The following RALYL variants were observed in gnomAD, a reference collection of about 807,000 sequenced individuals.
RALYL encodes the protein RALY RNA binding protein like.
RALYL carries 29 observed loss-of-function variants against 35.1 expected under a neutral mutation model. The ratio of observed to expected loss-of-function variants is 0.83; its 90% CI spans 0.61 to 1.13. The LOEUF (loss-of-function observed/expected upper bound fraction) is 1.13. RALYL is among the 50% of genes most tolerant of loss of function. The probability of loss-of-function intolerance (pLI) is 0.00; values close to 1 mark genes in which losing one functional copy is unlikely to be tolerated. For missense variants in RALYL, 359 were observed against 360.4 expected (o/e 1.00, Z 0.03); for synonymous variants, 120 against 127.6 (o/e 0.94, Z 0.40).
chr8:84,541,030 G>T (rs1285044438), intron 2 of RALYL, among the ~76,000 whole-genome samples: 1 of 151,568 alleles, frequency 6.6e-6, no homozygotes, highest in Non-Finnish European at 1.5e-5. Context: ...TTTTAAGTCA[G>T]ATTAGTCATC....
In RALYL at chr8:84,258,441, G is replaced by T. The variant is rs554519909; in HGVS notation, c.-24+74017G>T. 1.4e-4 allele frequency among the ~76,000 whole-genome samples: 21 copies of T among 152,086 alleles called. 1 individual carries two copies. The highest frequency in any genetic ancestry group is 4.3e-4 in the African/African-American group (18 of 41,524). ...GATTAGTGAAGCCACACTTTAAAGT[G>T]CTTAGTTGAAGATGAACTAGGTGTT... On this transcript the variant is annotated intron_variant, in intron 1 of 8. Transcript: ENST00000521268.
chr8:84,523,200 C>A (rs1380848907), intron 1 of RALYL, among the ~76,000 whole-genome samples: 1 of 151,878 alleles, frequency 6.6e-6, no homozygotes, highest in East Asian at 1.9e-4. Flanking sequence ...GGAGGCCTCA[C>A]AATCATGGCG....
rs547219777 is a variant in RALYL at position 84,344,914 on chromosome 8, A to T, written c.-24+160490A>T. Among the ~76,000 whole-genome samples, 3 of 152,220 alleles carry T rather than the reference A, an allele frequency of 2.0e-5. No individual in the cohort carries two copies. In the South Asian group the frequency reaches 6.2e-4, roughly 32 times the overall value. On this transcript the variant is annotated intron_variant, in intron 1 of 8. Transcript: ENST00000521268. ...GGCTGAGTAATATTACATTGAGCTT[A>T]CAAACCACATTTTCTTTATCCATTC... is the stretch of plus-strand genomic sequence containing the variant.
intron 8 of RALYL, among the ~76,000 whole-genome samples, chr8:84,919,623 G>A (rs1849013248): frequency 6.6e-6 from 1 of 152,024 alleles, no homozygotes; most frequent in South Asian, 2.1e-4. Flanking sequence ...AGGAGAAAGA[G>A]AGGGAAGAGA....
intron 1 of RALYL, among the ~76,000 whole-genome samples, chr8:84,202,302 A>G (rs904222496): frequency 6.6e-6 from 1 of 151,132 alleles, no homozygotes; most frequent in Non-Finnish European, 1.5e-5. Context: ...GCTGGGTTAG[A>G]TTTACTTAAA....
At chr8:84,753,827 T>A (rs373723566) in intron 2 of RALYL, among the ~76,000 whole-genome samples, 81 of 152,290 alleles carry the variant, frequency 5.3e-4, no homozygotes, top group African/African-American at 1.9e-3. Context: ...TGTGAGGTAA[T>A]GTCTTTATAA....
chr8:84,774,210 C>A (rs570196904), intron 2 of RALYL, among the ~76,000 whole-genome samples: 2 of 152,306 alleles, frequency 1.3e-5, no homozygotes, highest in East Asian at 3.9e-4. Context: ...CAGAGCAAAA[C>A]CCTGTCTTTT....
chr8:84,893,946 C>G (rs982218238), intron 8 of RALYL, among the ~76,000 whole-genome samples: 2 of 152,160 alleles, frequency 1.3e-5, no homozygotes, highest in Non-Finnish European at 2.9e-5. Flanking sequence ...CTGAGTACTA[C>G]GTTGTAATAC....
chr8:84,473,921 T>A (rs763934372), intron 1 of RALYL, among the ~76,000 whole-genome samples: 1 of 152,056 alleles, frequency 6.6e-6, no homozygotes, highest in Non-Finnish European at 1.5e-5. Flanking sequence ...TAGAATAAAA[T>A]TTTTAAATTC....
At chr8:84,734,190 T>C (rs1163561882) in intron 2 of RALYL, among the ~76,000 whole-genome samples, 1 of 152,178 alleles carries the variant, frequency 6.6e-6, no homozygotes, top group African/African-American at 2.4e-5. Flanking sequence ...TCATTGTTAA[T>C]TCCATTTTCT....
rs61348928 is a variant in RALYL at position 84,778,594 on chromosome 8, G to A, written c.332+3940G>A. Among the ~76,000 whole-genome samples the A allele has an allele frequency of 5.4e-3, 823 of 152,290 alleles. 7 individuals carry two copies. The highest frequency in any genetic ancestry group is 0.019 in the African/African-American group (784 of 41,552). ...AAGTTAAAGGAAGAAGACAACACTT[G>A]AGCTGACTTTTGAAGGGAAAGAGAG... On this transcript the variant is annotated intron_variant, in intron 3 of 8. Coordinates refer to ENST00000521268, the MANE Select transcript of RALYL (RefSeq NM_173848.7).
chr8:84,392,072 C>T (rs1860823875), intron 1 of RALYL, among the ~76,000 whole-genome samples: 1 of 152,000 alleles, frequency 6.6e-6, no homozygotes, highest in South Asian at 2.1e-4. Flanking sequence ...CTTAAAAGTG[C>T]CAAGTTGTAG....
chr8:84,371,039 G>C (rs1388419), intron 1 of RALYL, among the ~76,000 whole-genome samples: 14,783 of 151,926 alleles, frequency 0.097, 1,103 homozygotes, highest in African/African-American at 0.2. Context: ...CCTGGCCTAT[G>C]ATGTGAGCGA....
intron 2 of RALYL, among the ~76,000 whole-genome samples, chr8:84,656,835 G>T (rs1001211141): frequency 3.3e-5 from 5 of 151,836 alleles, no homozygotes; most frequent in Non-Finnish European, 7.4e-5. Context: ...AAAACAATTG[G>T]CTATTTTCCC....
At chr8:84,326,195 G>A (rs1329731717) in intron 1 of RALYL, among the ~76,000 whole-genome samples, 3 of 152,154 alleles carry the variant, frequency 2.0e-5, no homozygotes, top group African/African-American at 7.2e-5. Flanking sequence ...ATACATATAT[G>A]AGTATGCACA....
chr8:84,275,535 T>C lies in RALYL; in HGVS notation c.-24+91111T>C, dbSNP rs769530915. 8.5e-5 allele frequency among the ~76,000 whole-genome samples: 13 copies of C among 152,052 alleles called. No homozygotes were observed. The South Asian group carries it at 2.7e-3, about 32-fold the overall frequency. ...TCTAGCTAATGCACATAGTTACCAC[T>C]TTCATGGTGAGAACCCAACATCCAC... On this transcript the variant is annotated intron_variant, in intron 1 of 8. Transcript: ENST00000521268.
At chr8:84,264,683 C>T (rs1832955389) in intron 1 of RALYL, among the ~76,000 whole-genome samples, 1 of 151,850 alleles carries the variant, frequency 6.6e-6, no homozygotes, top group South Asian at 2.1e-4. Context: ...GCTGAAACAC[C>T]AAAGGTATGA....
At chr8:84,237,504 A>T (rs1826844445) in intron 1 of RALYL, among the ~76,000 whole-genome samples, 1 of 151,768 alleles carries the variant, frequency 6.6e-6, no homozygotes, top group Non-Finnish European at 1.5e-5. Context: ...CATATGACTT[A>T]CCACTCCCTT....
At chr8:84,839,635 C>T (rs375223332) in intron 4 of RALYL, among the ~76,000 whole-genome samples, 13 of 152,328 alleles carry the variant, frequency 8.5e-5, no homozygotes, top group Admixed American at 1.3e-4. Flanking sequence ...TCTCCCAGCA[C>T]GCAGCTGGAC....
Sources: gnomAD v4.1 joint callset for allele counts (sites outside exome capture counted in the v4.1 genomes callset) on GRCh38, gnomAD v4.1.1 for gene constraint, MANE v1.5 for transcripts, NCBI Gene and HGNC (gene_info 2026-07-23, HGNC 2026-07-21) for gene names.